XAGE5: variants seen among roughly 807,000 people sequenced by gnomAD.
XAGE5 encodes the protein X antigen family member 5, also known as G antigen, family D, 5.
A neutral mutation model predicts 13.1 loss-of-function variants in XAGE5; 13 were observed. That is an observed-to-expected ratio of 0.99 (90% CI 0.64 to 1.57). The LOEUF (loss-of-function observed/expected upper bound fraction) is 1.57, where lower values mean the gene tolerates loss of function less well. XAGE5 is among the 40% of genes most tolerant of loss of function. The probability of loss-of-function intolerance (pLI) is 0.00; values close to 1 mark genes in which losing one functional copy is unlikely to be tolerated. For missense variants in XAGE5, 86 were observed against 77.6 expected (o/e 1.11, Z -0.41); for synonymous variants, 17 against 25.0 (o/e 0.68, Z 0.96).
rs1361231883 is a variant in XAGE5, at chrX:52,812,756, T to C, written c.72+118T>C. The C allele has an allele frequency of 4.5e-6, 3 of 669,466 alleles. No individual in the cohort carries two copies. In the African/African-American group the frequency reaches 6.6e-5, roughly 15 times the overall value. 55.2% of individuals were successfully genotyped at this position (669,466 alleles called of 1,213,427 possible). The stretch of plus-strand genomic sequence containing the variant: ...CTCCCATGTTGATAAAAAATGATCA[T>C]GGCATCTCATGAAGGAAAGAGTAAC... On this transcript the variant is annotated intron_variant, in intron 3 of 5. Transcript: ENST00000375501.
Position 52,813,321 on chromosome X carries a change from G to A in XAGE5, c.178+76G>A. ...TGCATCACGCCTTATGCCATGACCA[G>A]TAACAGGAGGAAAGAAAGCAATAGG... On this transcript the variant is annotated intron_variant, in intron 4 of 5. Coordinates refer to ENST00000375501, the MANE Select transcript of XAGE5 (RefSeq NM_001386970.1). The A allele has an allele frequency of 5.3e-6, 5 of 941,251 alleles. No homozygotes were observed. The South Asian group carries it at 8.7e-5, about 16-fold the overall frequency. 77.6% of individuals were successfully genotyped at this position (941,251 alleles called of 1,213,427 possible). A position where few individuals can be genotyped will look rare whatever the true frequency, so the allele number is the denominator to read the frequency against.
At chrX:52,813,060 A>G in intron 3 of XAGE5, 80 bp from the exon 4 acceptor site, 2 of 699,169 alleles carry the variant, frequency 2.9e-6, no homozygotes, top group Admixed American at 2.6e-5. Flanking sequence ...TAATCTGTAT[A>G]TTCATATTAT....
chrX:52,812,678 A>T (rs1556777525), intron 3 of XAGE5, 40 bp downstream of exon 3: 1 of 1,163,345 alleles, frequency 8.6e-7, no homozygotes, highest in South Asian at 1.8e-5. Context: ...ACTAGCAGAA[A>T]TTTTTTTGTG....
rs781932529 is a variant in XAGE5 at position 52,812,594 on chromosome X, C to T, written c.28C>T (p.Pro10Ser). 15 of 1,210,014 alleles carry T rather than the reference C, an allele frequency of 1.2e-5. No individual in the cohort carries two copies. In the East Asian group the frequency reaches 1.5e-4, roughly 12 times the overall value. MSWRGRRYR[P>S]RRCLRLAQLV... ...GAGTTGGCGAGGAAGAAGATATAGA[C>T]CAAGACGATGTTTACGACTTGCTCA... The change falls in exon 3 of 6, where the codon CCA becomes TCA. Residue 10 changes from proline to serine, a missense_variant. Coordinates refer to ENST00000375501, the MANE Select transcript of XAGE5 (RefSeq NM_001386970.1).
intron 5 of XAGE5, among the ~76,000 whole-genome samples, chrX:52,817,810 TC>T (rs1454446813): frequency 3.6e-5 from 4 of 112,028 alleles, no homozygotes; most frequent in African/African-American, 6.5e-5. Context: ...AATTTTTTTT[TC>T]AGAAATTCCT....
chrX:52,814,753 C>CCATGTACATTTGT (rs1926871505), intron 4 of XAGE5, among the ~76,000 whole-genome samples: 1 of 111,899 alleles, frequency 8.9e-6, no homozygotes, highest in African/African-American at 3.3e-5. Context: ...AGTGTCAGGA[C>CCATGTACATTTGT]CATAAGATTT....
In XAGE5 at chrX:52,814,544, A is replaced by G. The variant is rs782411681; in HGVS notation, c.179-548A>G. Among the ~76,000 whole-genome samples the G allele has an allele frequency of 1.2e-4, 13 of 112,135 alleles. 1 individual carries two copies. Among genetic ancestry groups the G allele is most frequent in the Middle Eastern group, 4.6e-3 (1 of 219 alleles). The stretch of plus-strand genomic sequence containing the variant: ...ACTGTTAAGGGGTTTCCAGAATATG[A>G]CTGTCAACAATGCTCATTAATTTCT... On this transcript the variant is annotated intron_variant, in intron 4 of 5. Transcript: ENST00000375501.
chrX:52,817,104 C>T (rs1265112048), intron 5 of XAGE5, among the ~76,000 whole-genome samples: 1 of 110,666 alleles, frequency 9.0e-6, no homozygotes, highest in South Asian at 3.8e-4. Context: ...TGAACAAGAC[C>T]CAGATATTGA....
chrX:52,812,145 C>G (rs1926809799), intron 2 of XAGE5: 1 of 132,177 alleles, frequency 7.6e-6, no homozygotes, highest in South Asian at 2.4e-4. Context: ...TACATGCCCT[C>G]TGACTTACTT....
intron 2 of XAGE5, chrX:52,812,277 G>T (rs187984341): frequency 3.7e-6 from 1 of 268,180 alleles, no homozygotes; most frequent in Non-Finnish European, 6.6e-6. Flanking sequence ...GCTTTGGTTT[G>T]GTTTGGCTTT....
At chrX:52,817,673 A>T (rs1366908021) in intron 5 of XAGE5, among the ~76,000 whole-genome samples, 2 of 112,231 alleles carry the variant, frequency 1.8e-5, no homozygotes, top group Non-Finnish European at 3.8e-5. Flanking sequence ...CATTCCACTT[A>T]TGTATTTCCT....
intron 2 of XAGE5, among the ~76,000 whole-genome samples, 118 bp downstream of exon 2, chrX:52,811,837 CT>C (rs1337257005): frequency 2.7e-5 from 3 of 111,026 alleles, no homozygotes; most frequent in Non-Finnish European, 5.7e-5. Flanking sequence ...TATGTGGCAA[CT>C]TCTCAACCCC....
chrX:52,814,383 G>T (rs1926863576), intron 4 of XAGE5: 1 of 179,765 alleles, frequency 5.6e-6, no homozygotes, highest in Non-Finnish European at 1.1e-5. Context: ...GCTTTTAAAA[G>T]TTGTTTCAAT....
At chrX:52,817,291 A>G (rs1245176728) in intron 5 of XAGE5, among the ~76,000 whole-genome samples, 1 of 112,067 alleles carries the variant, frequency 8.9e-6, no homozygotes, top group Non-Finnish European at 1.9e-5. Flanking sequence ...TCGTCCCTCA[A>G]AAACAGTTAC....
chrX:52,813,304 G>A (rs1926840899), intron 4 of XAGE5, 59 bp downstream of exon 4: 3 of 1,036,068 alleles, frequency 2.9e-6, no homozygotes, highest in Non-Finnish European at 4.0e-6. Flanking sequence ...TGTGCATCAC[G>A]CCTTATGCCA....
At chrX:52,813,592 A>G (rs1556777665) in intron 4 of XAGE5, among the ~76,000 whole-genome samples, 1 of 111,775 alleles carries the variant, frequency 8.9e-6, no homozygotes, top group Non-Finnish European at 1.9e-5. Context: ...CCTCTCAGCC[A>G]TGGTGTTCAC....
At chrX:52,812,895 A>C (rs1297673160) in intron 3 of XAGE5, among the ~76,000 whole-genome samples, 1 of 111,553 alleles carries the variant, frequency 9.0e-6, no homozygotes, top group Non-Finnish European at 1.9e-5. Context: ...TCAACCCAAC[A>C]TAAATTAAAA....
At chrX:52,813,975 C>T (rs1556777734) in intron 4 of XAGE5, among the ~76,000 whole-genome samples, 1 of 111,186 alleles carries the variant, frequency 9.0e-6, no homozygotes, top group African/African-American at 3.3e-5. Flanking sequence ...TGCACTCCAG[C>T]CTTGGTGACA....
intron 2 of XAGE5, 94 bp from the exon 3 acceptor site, chrX:52,812,465 G>C (rs1475611636): frequency 2.8e-6 from 2 of 713,135 alleles, no homozygotes; most frequent in Admixed American, 5.1e-5. Context: ...GTAGAGACGG[G>C]GTTTCACCAT....
Sources: allele counts gnomAD v4.1 joint callset (sites outside exome capture counted in the v4.1 genomes callset), GRCh38; gene constraint gnomAD v4.1.1; transcripts MANE v1.5; gene names NCBI Gene and HGNC (gene_info 2026-07-23, HGNC 2026-07-21).